RIT2: variants seen among roughly 807,000 people sequenced by gnomAD.
RIT2 encodes GTP-binding protein Rit2.
Under a neutral mutation model 23.7 loss-of-function variants are expected in RIT2, and 24 were observed. The observed-to-expected ratio is 1.01, with a 90% confidence interval of 0.73 to 1.43. RIT2 has a LOEUF of 1.43. Ranked by LOEUF, RIT2 falls within the 40% of genes most tolerant of loss-of-function variation. The pLI, the probability that RIT2 is intolerant of heterozygous loss-of-function variation, is 0.00. For synonymous variants in RIT2, 107 were observed against 91.1 expected, an observed-to-expected ratio of 1.17 and a Z score of -0.99; for missense variants, 236 against 266.9, an observed-to-expected ratio of 0.88 and a Z score of 0.81.
At chr18:42,996,692 C>T (rs1910992312) in intron 2 of RIT2, among the ~76,000 whole-genome samples, 1 of 151,906 alleles carries the variant, frequency 6.6e-6, no homozygotes, top group African/African-American at 2.4e-5. Context: ...AACGGCCTCA[C>T]CCCTATCTCC....
intron 4 of RIT2, among the ~76,000 whole-genome samples, chr18:42,763,405 G>T (rs1913347977): frequency 6.6e-6 from 1 of 151,680 alleles, no homozygotes; most frequent in Non-Finnish European, 1.5e-5. Context: ...GAGCTTGCAG[G>T]GAGCCGAGAT....
intron 4 of RIT2, among the ~76,000 whole-genome samples, chr18:42,838,641 G>T (rs955024001): frequency 6.6e-6 from 1 of 152,058 alleles, no homozygotes. Context: ...CATCAAAACA[G>T]CTTTGTCTCA....
At chr18:42,781,331 C>A (rs1250559667) in intron 4 of RIT2, among the ~76,000 whole-genome samples, 2 of 152,132 alleles carry the variant, frequency 1.3e-5, no homozygotes, top group Non-Finnish European at 2.9e-5. Context: ...TTTCTACATA[C>A]CTAAATCAGC....
At chr18:43,071,112 G>A (rs1015578128) in intron 1 of RIT2, among the ~76,000 whole-genome samples, 3 of 152,066 alleles carry the variant, frequency 2.0e-5, no homozygotes, top group Non-Finnish European at 4.4e-5. Flanking sequence ...TATAAATCTT[G>A]CAGACTATTC....
intron 4 of RIT2, among the ~76,000 whole-genome samples, chr18:42,802,659 TA>T (rs141745707): frequency 0.011 from 1,714 of 152,322 alleles, 37 homozygotes; most frequent in African/African-American, 0.04. Context: ...TGATTTTTCT[TA>T]AAGTGGCTTT....
intron 3 of RIT2, among the ~76,000 whole-genome samples, chr18:42,954,848 A>T: frequency 6.6e-6 from 1 of 151,802 alleles, no homozygotes; most frequent in East Asian, 1.9e-4. Flanking sequence ...TACATTTACC[A>T]CCTCTCTTAC....
chr18:42,865,488 G>C (rs189995655), intron 4 of RIT2, among the ~76,000 whole-genome samples: 308 of 152,200 alleles, frequency 2.0e-3, no homozygotes, highest in African/African-American at 6.8e-3. Flanking sequence ...AACATAAGAG[G>C]CTTTCCCCAA....
intron 4 of RIT2, among the ~76,000 whole-genome samples, chr18:42,802,846 G>A (rs1488613257): frequency 1.3e-5 from 2 of 152,078 alleles, no homozygotes; most frequent in Admixed American, 6.5e-5. Flanking sequence ...GAAATGTTAT[G>A]CCCTTTTTAT....
chr18:43,022,589 C>T lies in RIT2; in HGVS notation c.160+11222G>A, dbSNP rs1911622560. Among the ~76,000 whole-genome samples, 4 of 151,986 alleles carry T rather than the reference C, an allele frequency of 2.6e-5. No individual in the cohort carries two copies. The South Asian group carries it at 8.3e-4, about 31-fold the overall frequency. On this transcript the variant is annotated intron_variant, in intron 2 of 4. Coordinates refer to ENST00000326695, the MANE Select transcript of RIT2 (RefSeq NM_002930.4). ...CCATTAAATATGCATAAATATTATG[C>T]ATCAATAAAATATTTCTAAAGTTTC...
At chr18:42,975,372 TA>T in intron 2 of RIT2, among the ~76,000 whole-genome samples, 1 of 152,212 alleles carries the variant, frequency 6.6e-6, no homozygotes, top group Middle Eastern at 3.4e-3. Flanking sequence ...GGATGAGGCC[TA>T]CTTGATCATG....
intron 4 of RIT2, among the ~76,000 whole-genome samples, chr18:42,801,664 A>T (rs1024073330): frequency 3.3e-5 from 5 of 152,224 alleles, no homozygotes; most frequent in Non-Finnish European, 7.3e-5. Context: ...CCTAGAGGAA[A>T]TCATACCAAT....
intron 1 of RIT2, among the ~76,000 whole-genome samples, chr18:43,105,928 T>C (rs1300096749): frequency 6.6e-6 from 1 of 152,214 alleles, no homozygotes; most frequent in East Asian, 1.9e-4. Flanking sequence ...GATTGAAGGT[T>C]GATCAAAATA....
intron 2 of RIT2, among the ~76,000 whole-genome samples, chr18:43,018,568 CA>C (rs1911526365): frequency 6.6e-6 from 1 of 151,834 alleles, no homozygotes; most frequent in Non-Finnish European, 1.5e-5. Flanking sequence ...ATCAGATTGA[CA>C]GTGGATTTCT....
intron 2 of RIT2, among the ~76,000 whole-genome samples, chr18:43,014,382 C>T (rs1037832423): frequency 6.6e-6 from 1 of 151,668 alleles, no homozygotes; most frequent in South Asian, 2.1e-4. Flanking sequence ...CTTGACAGGG[C>T]AGCCCAAGTA....
At chr18:43,063,184 A>C (rs188601709) in intron 1 of RIT2, among the ~76,000 whole-genome samples, 3 of 152,204 alleles carry the variant, frequency 2.0e-5, no homozygotes, top group African/African-American at 7.2e-5. Flanking sequence ...GAGATAATAC[A>C]TCTTATAAAT....
rs540261415 is a variant in RIT2 at position 42,948,505 on chromosome 18, G to A, written c.235-24742C>T. Among the ~76,000 whole-genome samples the A allele has an allele frequency of 3.9e-5, 6 of 152,176 alleles. No homozygotes were observed. The South Asian group carries it at 8.3e-4, about 21-fold the overall frequency. ...TCTAAGAATGGGACACATCAGATGG[G>A]ATGACAAGAATTGAAGTCAGGACAT... On this transcript the variant is annotated intron_variant, in intron 3 of 4. Coordinates refer to ENST00000326695, the MANE Select transcript of RIT2 (RefSeq NM_002930.4).
At chr18:42,855,777 GC>G (rs1907164865) in intron 4 of RIT2, among the ~76,000 whole-genome samples, 1 of 152,122 alleles carries the variant, frequency 6.6e-6, no homozygotes, top group Non-Finnish European at 1.5e-5. Context: ...ATAGCATATA[GC>G]TTTCTAGCTT....
intron 1 of RIT2, among the ~76,000 whole-genome samples, chr18:43,042,624 C>T (rs1036872403): frequency 1.3e-5 from 2 of 152,180 alleles, no homozygotes; most frequent in East Asian, 3.9e-4. Flanking sequence ...CTTGGAACTC[C>T]CTATGTTCCC....
chr18:42,964,472 A>G (rs1910165466), intron 3 of RIT2, among the ~76,000 whole-genome samples: 1 of 152,142 alleles, frequency 6.6e-6, no homozygotes, highest in East Asian at 1.9e-4. Context: ...TTGATAGCTT[A>G]TCTTTACAGG....
Sources: gnomAD v4.1 joint callset for allele counts (sites outside exome capture counted in the v4.1 genomes callset) on GRCh38, gnomAD v4.1.1 for gene constraint, MANE v1.5 for transcripts, NCBI Gene and HGNC (gene_info 2026-07-23, HGNC 2026-07-21) for gene names.